The following LRRTM4 variants were observed in gnomAD, a reference collection of about 807,000 sequenced individuals.
LRRTM4 encodes the protein leucine rich repeat transmembrane neuronal 4, also known as leucine-rich repeat transmembrane neuronal protein 4.
LRRTM4 carries 25 observed loss-of-function variants against 47.6 expected under a neutral mutation model. The observed-to-expected ratio is 0.53, with a 90% CI of 0.38 to 0.73. LRRTM4 has a LOEUF of 0.73. LRRTM4 is among the 30% of genes least tolerant of loss of function. The probability of loss-of-function intolerance (pLI) is 0.00; values close to 1 mark genes in which losing one functional copy is unlikely to be tolerated. For missense variants in LRRTM4, 638 were observed against 713.4 expected, an observed-to-expected ratio of 0.89 and a Z score of 1.20; for synonymous variants, 311 against 269.5, an observed-to-expected ratio of 1.15 and a Z score of -1.51.
intron 3 of LRRTM4, among the ~76,000 whole-genome samples, chr2:77,480,812 GTGTGTGTGTGGAGAGAGAGAGAGAGAGA>G (rs1677652044): frequency 7.5e-6 from 1 of 132,892 alleles, no homozygotes; most frequent in African/African-American, 2.9e-5. Flanking sequence ...GTGTGTGTGT[GTGTGTGTGTGGAGAGAGAGAGAGAGAGA>G]GAGAGAGAGA....
rs199521864 is a variant in LRRTM4, at chr2:77,480,783, G to GCAGTGTGTGTGT, written c.1551+37534_1551+37535insACACACACACTG. On this transcript the variant is annotated intron_variant, in intron 3 of 3. Coordinates refer to ENST00000409884, the MANE Select transcript of LRRTM4 (RefSeq NM_001134745.3). Reference sequence around the variant, plus strand: ...AAACTTGCTATGTGTGGCTGTTTTAGGAGTGTGTGTGTGTGTGTGTGTGTG... The same window carrying GCAGTGTGTGTGT: ...AAACTTGCTATGTGTGGCTGTTTTAGCAGTGTGTGTGTGAGTGTGTGTGTGTGTGTGTGTGTG... Among the ~76,000 whole-genome samples the GCAGTGTGTGTGT allele has an allele frequency of 3.6e-4, 35 of 97,090 alleles. 3 individuals are homozygous for GCAGTGTGTGTGT. Among genetic ancestry groups the GCAGTGTGTGTGT allele is most frequent in the South Asian group, 1.6e-3 (4 of 2,518 alleles). 63.7% of individuals were successfully genotyped at this position (97,090 alleles called of 152,430 possible).
intron 3 of LRRTM4, among the ~76,000 whole-genome samples, chr2:76,919,101 G>T (rs1192033082): frequency 6.6e-6 from 1 of 152,136 alleles, no homozygotes; most frequent in African/African-American, 2.4e-5. Context: ...TTCTTCCAGA[G>T]AATATGTATG....
At chr2:77,378,129 A>G (rs2103785251) in intron 3 of LRRTM4, among the ~76,000 whole-genome samples, 1 of 151,938 alleles carries the variant, frequency 6.6e-6, no homozygotes, top group Admixed American at 6.6e-5. Flanking sequence ...ATCTACTCTC[A>G]TTCAATATTA....
At chr2:76,890,013 A>G (rs1361410649) in intron 3 of LRRTM4, among the ~76,000 whole-genome samples, 2 of 151,990 alleles carry the variant, frequency 1.3e-5, no homozygotes, top group African/African-American at 4.8e-5. Flanking sequence ...CTGTCATTCT[A>G]TAACTAGAAA....
intron 3 of LRRTM4, among the ~76,000 whole-genome samples, chr2:76,945,468 T>C (rs984603839): frequency 6.6e-6 from 1 of 151,972 alleles, no homozygotes; most frequent in African/African-American, 2.4e-5. Flanking sequence ...TCATGGCAAA[T>C]GTGCAATGGA....
At chr2:77,035,531 T>C (rs1678807392) in intron 3 of LRRTM4, among the ~76,000 whole-genome samples, 1 of 151,916 alleles carries the variant, frequency 6.6e-6, no homozygotes, top group Admixed American at 6.6e-5. Flanking sequence ...ATTTTTTAAA[T>C]TAAAATAGTG....
chr2:76,847,647 A>G (rs10169973), intron 3 of LRRTM4, among the ~76,000 whole-genome samples: 150,777 of 152,100 alleles, frequency 0.99, 74,737 homozygotes, highest in Middle Eastern at 1. Context: ...AATGTCATTT[A>G]ATTTTGAGTG....
At chr2:76,826,418 G>A in intron 3 of LRRTM4, among the ~76,000 whole-genome samples, 1 of 151,114 alleles carries the variant, frequency 6.6e-6, no homozygotes, top group East Asian at 1.9e-4. Context: ...TTGCATAAAA[G>A]GAAAAAAATA....
At chr2:77,254,519 T>C (rs6736632) in intron 3 of LRRTM4, among the ~76,000 whole-genome samples, 18,648 of 151,786 alleles carry the variant, frequency 0.12, 3,831 homozygotes, top group African/African-American at 0.42. Context: ...ATAAAAAATA[T>C]GGGTAGATAA....
chr2:77,417,817 C>T (rs540270647), intron 3 of LRRTM4, among the ~76,000 whole-genome samples: 15 of 152,038 alleles, frequency 9.9e-5, no homozygotes, highest in African/African-American at 3.4e-4. Flanking sequence ...TGTTAAATGA[C>T]GAGTTACTGG....
chr2:77,061,460 T>A (rs886499169), intron 3 of LRRTM4, among the ~76,000 whole-genome samples: 2 of 152,106 alleles, frequency 1.3e-5, no homozygotes, highest in Non-Finnish European at 2.9e-5. Context: ...CTCCATTCAG[T>A]GTGATACAGA....
Position 76,857,677 on chromosome 2 carries a change from A to G in LRRTM4, c.1552-108761T>C, listed in dbSNP as rs531613248. 4.6e-5 allele frequency among the ~76,000 whole-genome samples: 7 copies of G among 152,136 alleles called. No individual in the cohort carries two copies. In the South Asian group the frequency reaches 1.4e-3, roughly 31 times the overall value. ...ATAATTGTTTATACTGATAGTGGTG[A>G]TTATTACTGTTTTGGCAACATAATT... On this transcript the variant is annotated intron_variant, in intron 3 of 3. Coordinates refer to ENST00000409884, the MANE Select transcript of LRRTM4 (RefSeq NM_001134745.3).
chr2:77,420,972 G>C (rs1435248306), intron 3 of LRRTM4, among the ~76,000 whole-genome samples: 9 of 149,550 alleles, frequency 6.0e-5, no homozygotes, highest in Non-Finnish European at 7.4e-5. Flanking sequence ...AAAAGACAAG[G>C]CTCCTTGGAG....
intron 3 of LRRTM4, among the ~76,000 whole-genome samples, chr2:77,014,066 G>C (rs1017668000): frequency 1.3e-5 from 2 of 152,154 alleles, no homozygotes; most frequent in Admixed American, 6.5e-5. Context: ...TGATGAGAGA[G>C]TATGATTAAT....
intron 3 of LRRTM4, among the ~76,000 whole-genome samples, chr2:77,376,113 A>G (rs2103781068): frequency 6.6e-6 from 1 of 151,946 alleles, no homozygotes; most frequent in South Asian, 2.1e-4. Context: ...AAACTAAACT[A>G]TTTTTGTATA....
intron 3 of LRRTM4, among the ~76,000 whole-genome samples, chr2:76,972,205 C>T (rs1676242923): frequency 6.6e-6 from 1 of 151,876 alleles, no homozygotes; most frequent in African/African-American, 2.4e-5. Context: ...CAAATCTACC[C>T]ATCCAATTAG....
In LRRTM4 at chr2:76,945,676, C is replaced by T. The variant is rs1486861480; in HGVS notation, c.1552-196760G>A. 2.6e-5 allele frequency among the ~76,000 whole-genome samples: 4 copies of T among 151,846 alleles called. No individual in the cohort carries two copies. The East Asian group carries it at 5.8e-4, about 22-fold the overall frequency. ...AAGAACAAAAAGAAAAACAATGAAA[C>T]ATTAACTAGTCTAAGACGAAAACAA... On this transcript the variant is annotated intron_variant, in intron 3 of 3. Coordinates refer to ENST00000409884, the MANE Select transcript of LRRTM4 (RefSeq NM_001134745.3).
chr2:77,210,132 G>A (rs189090679), intron 3 of LRRTM4, among the ~76,000 whole-genome samples: 47 of 152,206 alleles, frequency 3.1e-4, no homozygotes, highest in South Asian at 1.0e-3. Context: ...TTTCTGACAC[G>A]CCAAGGAATT....
intron 3 of LRRTM4, among the ~76,000 whole-genome samples, chr2:77,492,633 G>A (rs1678211909): frequency 6.6e-6 from 1 of 151,876 alleles, no homozygotes; most frequent in South Asian, 2.1e-4. Flanking sequence ...GAAATAATAG[G>A]GGTAACAACG....
Sources: gnomAD v4.1 joint callset for allele counts (sites outside exome capture counted in the v4.1 genomes callset) on GRCh38, gnomAD v4.1.1 for gene constraint, MANE v1.5 for transcripts, NCBI Gene and HGNC (gene_info 2026-07-23, HGNC 2026-07-21) for gene names.